CCNYL1: variants seen among roughly 807,000 people sequenced by gnomAD.
CCNYL1 encodes the protein cyclin Y like 1, also known as cyclin-Y-like protein 1.
A neutral mutation model predicts 44.2 loss-of-function variants in CCNYL1; 16 were observed. The observed-to-expected ratio is 0.36, with a 90% CI of 0.25 to 0.55. The LOEUF (loss-of-function observed/expected upper bound fraction) is 0.55, where lower values mean the gene tolerates loss of function less well. CCNYL1 is among the 20% of genes least tolerant of loss of function. The probability of loss-of-function intolerance (pLI) is 0.85; values close to 1 mark genes in which losing one functional copy is unlikely to be tolerated. For synonymous variants in CCNYL1, 159 were observed against 163.2 expected, an observed-to-expected ratio of 0.97 and a Z score of 0.20; for missense variants, 348 against 451.8, an observed-to-expected ratio of 0.77 and a Z score of 2.08.
At chr2:207,747,259 T>A (rs746651117) in intron 8 of CCNYL1, 46 bp downstream of exon 8, 1 of 1,516,388 alleles carries the variant, frequency 6.6e-7, no homozygotes, top group Non-Finnish European at 9.0e-7. Flanking sequence ...TTTTCCAGTA[T>A]CTTATTCCTA....
At chr2:207,747,827 G>C (rs1215814350) in intron 8 of CCNYL1, among the ~76,000 whole-genome samples, 2 of 152,134 alleles carry the variant, frequency 1.3e-5, no homozygotes, top group African/African-American at 4.8e-5. Flanking sequence ...CAAAGAGCTG[G>C]GATTACAGGC....
intron 4 of CCNYL1, among the ~76,000 whole-genome samples, chr2:207,735,127 T>C (rs935118733): frequency 5.9e-5 from 9 of 152,176 alleles, no homozygotes; most frequent in Admixed American, 3.9e-4. Context: ...CATGCTTTTT[T>C]CCCCCCATTT....
chr2:207,746,185 G>C (rs1477049333), intron 7 of CCNYL1, among the ~76,000 whole-genome samples: 4 of 152,148 alleles, frequency 2.6e-5, no homozygotes, highest in Non-Finnish European at 5.9e-5. Flanking sequence ...CACTGAATAC[G>C]GGGAATATTT....
At position 207,729,933 on chromosome 2, in the gene CCNYL1, C is replaced by T. The variant is rs548209336; in HGVS notation, c.330+3057C>T. Among the ~76,000 whole-genome samples the T allele has an allele frequency of 7.3e-5, 11 of 151,674 alleles. No individual in the cohort carries two copies. In the South Asian group the frequency reaches 2.3e-3, roughly 32 times the overall value. On this transcript the variant is annotated intron_variant, in intron 3 of 9. Transcript: ENST00000295414. ...GTTTTGCCGTATTAGCCAAGCTGGT[C>T]TCGAGCTCCTGGCCTCAAGTTCACC...
In CCNYL1 at chr2:207,711,843, G is replaced by A. The variant is rs981011596; in HGVS notation, c.-54G>A. On this transcript the variant is annotated 5_prime_UTR_variant, in exon 1 of 10. Transcript: ENST00000295414. ...TTGGGGGAGGGGGCGGCTGTTGAGG[G>A]CGGCGGAGTAGGGGGCGAGCGAAGG... is the stretch of plus-strand genomic sequence containing the variant. 3.2e-6 allele frequency: 4 copies of A among 1,250,436 alleles called. No homozygotes were observed. The highest frequency in any genetic ancestry group is 3.2e-5 in the African/African-American group (2 of 63,042). 77.5% of individuals were successfully genotyped at this position (1,250,436 alleles called of 1,614,324 possible). A position where few individuals can be genotyped will look rare whatever the true frequency, so the allele number is the denominator to read the frequency against.
At chr2:207,727,629 T>G (rs2091690857) in intron 3 of CCNYL1, among the ~76,000 whole-genome samples, 1 of 152,206 alleles carries the variant, frequency 6.6e-6, no homozygotes, top group Admixed American at 6.5e-5. Flanking sequence ...CACATGCCTA[T>G]CAAAAATGTT....
chr2:207,734,954 T>G (rs2091753897), intron 4 of CCNYL1, among the ~76,000 whole-genome samples: 2 of 152,216 alleles, frequency 1.3e-5, no homozygotes, highest in Non-Finnish European at 2.9e-5. Context: ...TGAGTAATCA[T>G]TCAATGTTTG....
chr2:207,739,148 AT>A (rs754872185), intron 5 of CCNYL1, among the ~76,000 whole-genome samples: 2 of 152,200 alleles, frequency 1.3e-5, no homozygotes, highest in African/African-American at 4.8e-5. Context: ...CCAAATCCTG[AT>A]TTTTAGTTTG....
chr2:207,732,387 C>T (rs536567948), intron 3 of CCNYL1, among the ~76,000 whole-genome samples: 47 of 152,288 alleles, frequency 3.1e-4, no homozygotes, highest in Admixed American at 7.8e-4. Flanking sequence ...GCAGTAAAAA[C>T]ATCTGAAACA....
intron 3 of CCNYL1, among the ~76,000 whole-genome samples, chr2:207,732,445 A>G (rs562996956): frequency 6.6e-6 from 1 of 152,282 alleles, no homozygotes; most frequent in African/African-American, 2.4e-5. Context: ...GCTACTGGCG[A>G]TTTTTTAATG....
intron 1 of CCNYL1, among the ~76,000 whole-genome samples, chr2:207,713,562 A>G (rs767712328): frequency 7.2e-5 from 11 of 152,222 alleles, no homozygotes; most frequent in Non-Finnish European, 1.5e-4. Context: ...AATAAAAACT[A>G]ATTCTTTTGA....
chr2:207,743,132 G>A (rs560344001), intron 7 of CCNYL1, among the ~76,000 whole-genome samples: 36 of 152,196 alleles, frequency 2.4e-4, no homozygotes, highest in Admixed American at 1.8e-3. Flanking sequence ...AGGCTTCTGT[G>A]CACTTGAATA....
chr2:207,749,952 A>G (rs1428012097), intron 8 of CCNYL1, among the ~76,000 whole-genome samples: 1 of 152,210 alleles, frequency 6.6e-6, no homozygotes, highest in Admixed American at 6.5e-5. Flanking sequence ...TTAACTCCTT[A>G]TAGGGATTAC....
chr2:207,743,374 C>T (rs188487267), intron 7 of CCNYL1, among the ~76,000 whole-genome samples: 6 of 152,218 alleles, frequency 3.9e-5, no homozygotes, highest in African/African-American at 7.2e-5. Context: ...TTGAATGTAC[C>T]GGACTGGAGC....
intron 1 of CCNYL1, among the ~76,000 whole-genome samples, chr2:207,713,988 G>A (rs2091573317): frequency 6.6e-6 from 1 of 152,132 alleles, no homozygotes; most frequent in Non-Finnish European, 1.5e-5. Context: ...CAGTGTACAT[G>A]AAAATACATA....
rs2091551868 is a variant in CCNYL1, at chr2:207,711,986, C to T, written c.90C>T (p.Ser30=). The T allele has an allele frequency of 6.9e-7, 1 of 1,455,722 alleles. No homozygotes were observed. The highest frequency in any genetic ancestry group is 9.1e-7 in the Non-Finnish European group (1 of 1,102,132). 90.2% of individuals were successfully genotyped at this position (1,455,722 alleles called of 1,614,324 possible). ...GGTCGGCGGAGCTGTACTGCGCGTC[C>T]GACATCTACGAGGCGGTGTCCGGGG... ...RAGSAELYCA[S]DIYEAVSGDA... Residue 30 remains serine, a synonymous_variant, in exon 1 of 10, where the codon TCC becomes TCT. Transcript: ENST00000295414.
chr2:207,731,111 T>C (rs1393625826), intron 3 of CCNYL1, among the ~76,000 whole-genome samples: 1 of 152,206 alleles, frequency 6.6e-6, no homozygotes, highest in Non-Finnish European at 1.5e-5. Context: ...GCAACATAGA[T>C]GGAGGTGTTT....
rs535077610 is a variant in CCNYL1, at chr2:207,753,366, T to C, written c.970-222T>C. Among the ~76,000 whole-genome samples the C allele has an allele frequency of 1.2e-4, 18 of 152,330 alleles. No individual in the cohort carries two copies. The East Asian group carries it at 3.3e-3, about 28-fold the overall frequency. ...TTTTAATAATATAATAAATTCCCCT[T>C]TGTTCTCTGGGAATCTAACCATAGC... On this transcript the variant is annotated intron_variant, in intron 9 of 9. Coordinates refer to ENST00000295414, the MANE Select transcript of CCNYL1 (RefSeq NM_001330218.2).
At chr2:207,740,803 C>A in intron 6 of CCNYL1, 97 bp downstream of exon 6, 2 of 723,662 alleles carry the variant, frequency 2.8e-6, no homozygotes, top group African/African-American at 1.8e-5. Context: ...TATACATGAT[C>A]TCTATGAAGA....
Sources: allele counts gnomAD v4.1 joint callset (sites outside exome capture counted in the v4.1 genomes callset), GRCh38; gene constraint gnomAD v4.1.1; transcripts MANE v1.5; gene names NCBI Gene and HGNC (gene_info 2026-07-23, HGNC 2026-07-21).